CPEB1: variants seen among roughly 807,000 people sequenced by gnomAD.
The protein encoded by CPEB1 is cytoplasmic polyadenylation element-binding protein 1.
In CPEB1, 7 loss-of-function variants were observed where a neutral mutation model predicts 65.8. The observed-to-expected ratio is 0.11, with a 90% CI of 0.06 to 0.20. CPEB1 has a LOEUF of 0.20. Among genes scored for constraint, CPEB1 ranks in the 10% least tolerant of loss-of-function variants. The probability of loss-of-function intolerance (pLI) is 1.00; values close to 1 mark genes in which losing one functional copy is unlikely to be tolerated. For synonymous variants in CPEB1, 262 were observed against 260.0 expected, an observed-to-expected ratio of 1.01 and a Z score of -0.08; for missense variants, 551 against 712.2, an observed-to-expected ratio of 0.77 and a Z score of 2.58.
chr15:82,560,062 T>A (rs28493687), intron 4 of CPEB1, among the ~76,000 whole-genome samples: 1 of 151,854 alleles, frequency 6.6e-6, no homozygotes, highest in African/African-American at 2.4e-5. Flanking sequence ...CCAGCCTGGG[T>A]GATAGAGCAA....
At chr15:82,578,652 G>A (rs2040915991) in intron 3 of CPEB1, among the ~76,000 whole-genome samples, 1 of 151,940 alleles carries the variant, frequency 6.6e-6, no homozygotes, top group African/African-American at 2.4e-5. Context: ...AGCTACTCAG[G>A]AGGCTGAGGC....
intron 1 of CPEB1, among the ~76,000 whole-genome samples, chr15:82,645,452 CGTACTTTT>C (rs1316254849): frequency 6.6e-6 from 1 of 151,900 alleles, no homozygotes; most frequent in Non-Finnish European, 1.5e-5. Flanking sequence ...GGGGCCGGGC[CGTACTTTT>C]TTATTACAAA....
chr15:82,647,205 C>G lies in CPEB1; in HGVS notation c.-166G>C, dbSNP rs1338542904. On this transcript the variant is annotated 5_prime_UTR_variant, in exon 1 of 13. Transcript: ENST00000684509. ...GCCAGTCTTCCGCCCTCGCGCCACA[C>G]TACCTGGCCAGCCCCGCCCCCGAGA... is the stretch of plus-strand genomic sequence containing the variant. The G allele has an allele frequency of 6.6e-6, 1 of 152,522 alleles. No homozygotes were observed. The highest frequency in any genetic ancestry group is 1.9e-4 in the East Asian group (1 of 5,180). The allele number at this position is 152,522 out of a possible 1,614,324, so 9.4% of individuals were successfully genotyped here.
intron 4 of CPEB1, among the ~76,000 whole-genome samples, chr15:82,559,813 G>A (rs2037880939): frequency 6.6e-6 from 1 of 152,188 alleles, no homozygotes; most frequent in Non-Finnish European, 1.5e-5. Flanking sequence ...GTCGGGTGTG[G>A]TGGCTCACGC....
At chr15:82,549,712 G>A (rs1168761906) in intron 9 of CPEB1, 54 bp from the exon 10 acceptor site, 2 of 1,539,156 alleles carry the variant, frequency 1.3e-6, no homozygotes, top group African/African-American at 2.7e-5. Context: ...AGAGAGAGAG[G>A]TGCTTGCACG....
intron 1 of CPEB1, chr15:82,640,592 T>C (rs982834769): frequency 6.6e-6 from 1 of 152,222 alleles, no homozygotes; most frequent in Admixed American, 6.5e-5. Context: ...CTACTTCTGA[T>C]GTTATTTCTG....
chr15:82,556,515 G>A lies in CPEB1; in HGVS notation c.688-393C>T, dbSNP rs114856837. The A allele has an allele frequency of 1.7e-3, 286 of 170,464 alleles. 2 individuals carry two copies. Among genetic ancestry groups the A allele is most frequent in the African/African-American group, 6.5e-3 (271 of 41,732 alleles). The allele number at this position is 170,464 out of a possible 1,614,324, so 10.6% of individuals were successfully genotyped here. A position where few individuals can be genotyped will look rare whatever the true frequency, so the allele number is the denominator to read the frequency against. On this transcript the variant is annotated intron_variant, in intron 5 of 12. Transcript: ENST00000684509. ...TCTTTGGTCAGATTCCTAGAAAGCCGAATGCCAAAAATGCTATCTATGAGA... is the reference window on the plus strand; with the variant it reads ...TCTTTGGTCAGATTCCTAGAAAGCCAAATGCCAAAAATGCTATCTATGAGA...
chr15:82,611,664 C>T (rs1393119667), intron 3 of CPEB1, among the ~76,000 whole-genome samples: 2 of 151,838 alleles, frequency 1.3e-5, no homozygotes, highest in Non-Finnish European at 2.9e-5. Flanking sequence ...ACTCAAGAGG[C>T]TGAGGCAGGA....
intron 3 of CPEB1, among the ~76,000 whole-genome samples, chr15:82,611,635 C>G (rs7175198): frequency 0.021 from 3,220 of 151,896 alleles, 115 homozygotes; most frequent in African/African-American, 0.073. Flanking sequence ...CACGGTGGCA[C>G]ACACCTGCAG....
At chr15:82,604,798 T>A (rs1567215516) in intron 3 of CPEB1, among the ~76,000 whole-genome samples, 2 of 151,808 alleles carry the variant, frequency 1.3e-5, no homozygotes, top group South Asian at 4.2e-4. Flanking sequence ...AAGATACACA[T>A]ATTAGAAGTC....
At chr15:82,610,556 C>G (rs1347204770) in intron 3 of CPEB1, among the ~76,000 whole-genome samples, 1 of 151,502 alleles carries the variant, frequency 6.6e-6, no homozygotes, top group Non-Finnish European at 1.5e-5. Flanking sequence ...ATTAATAGAA[C>G]AAAAGTAAAA....
At chr15:82,628,862 C>T (rs7182403) in intron 1 of CPEB1, 74,877 of 170,890 alleles carry the variant, frequency 0.44, 16,583 homozygotes, top group African/African-American at 0.5. Context: ...TTTCTCTAGC[C>T]TACTTTATCG....
At chr15:82,599,226 G>A (rs1022072072) in intron 3 of CPEB1, among the ~76,000 whole-genome samples, 8 of 152,046 alleles carry the variant, frequency 5.3e-5, no homozygotes, top group Non-Finnish European at 1.2e-4. Context: ...AAGAAGATTG[G>A]AAACACTCCT....
intron 3 of CPEB1, among the ~76,000 whole-genome samples, chr15:82,586,599 G>C (rs2041826470): frequency 6.6e-6 from 1 of 152,096 alleles, no homozygotes; most frequent in Admixed American, 6.6e-5. Flanking sequence ...CCAGATTGCT[G>C]GTAAAAACTA....
intron 4 of CPEB1, among the ~76,000 whole-genome samples, chr15:82,564,727 T>C (rs1226589786): frequency 6.6e-5 from 10 of 152,172 alleles, no homozygotes; most frequent in Admixed American, 6.6e-4. Flanking sequence ...ACAATACTTC[T>C]TCCCTGAGTC....
At chr15:82,622,689 C>G (rs1179870465) in intron 3 of CPEB1, among the ~76,000 whole-genome samples, 2 of 152,146 alleles carry the variant, frequency 1.3e-5, no homozygotes, top group African/African-American at 4.8e-5. Flanking sequence ...GTCACTGCAC[C>G]CAGCCCACAT....
At chr15:82,579,904 G>A (rs1596058332) in intron 3 of CPEB1, among the ~76,000 whole-genome samples, 1 of 107,980 alleles carries the variant, frequency 9.3e-6, no homozygotes. Flanking sequence ...GGGCGACAGA[G>A]TGAGACTCCG....
chr15:82,551,437 A>C (rs2036237715), intron 9 of CPEB1, among the ~76,000 whole-genome samples: 1 of 152,166 alleles, frequency 6.6e-6, no homozygotes, highest in Admixed American at 6.5e-5. Context: ...CATGGTTTGC[A>C]TCAGAGTTCA....
At chr15:82,558,952 AG>A (rs1305708396) in intron 4 of CPEB1, among the ~76,000 whole-genome samples, 1 of 91,848 alleles carries the variant, frequency 1.1e-5, no homozygotes, top group East Asian at 2.4e-4. Context: ...CTTAATTTGA[AG>A]TTTTTTTTTT....
Sources: allele counts gnomAD v4.1 joint callset (sites outside exome capture counted in the v4.1 genomes callset), GRCh38; gene constraint gnomAD v4.1.1; transcripts MANE v1.5; gene names NCBI Gene and HGNC (gene_info 2026-07-23, HGNC 2026-07-21).